Variants in SLC25A18 observed in about 807,000 individuals in gnomAD.
SLC25A18 encodes the protein mitochondrial glutamate carrier 2.
Under a neutral mutation model 31.1 loss-of-function variants are expected in SLC25A18, and 24 were observed. That is an observed-to-expected ratio of 0.77 (90% CI 0.56 to 1.08). The LOEUF is 1.08. Ranked by LOEUF, SLC25A18 falls within the 50% of genes least tolerant of loss-of-function variation. The probability of loss-of-function intolerance (pLI) is 0.00; values close to 1 mark genes in which losing one functional copy is unlikely to be tolerated. For synonymous variants in SLC25A18, 173 were observed against 161.9 expected, an observed-to-expected ratio of 1.07 and a Z score of -0.52; for missense variants, 371 against 418.5, an observed-to-expected ratio of 0.89 and a Z score of 0.99.
intron 2 of SLC25A18, 110 bp from the exon 3 acceptor site, chr22:17,579,635 C>A (rs2057320349): frequency 1.1e-6 from 1 of 875,824 alleles, no homozygotes; most frequent in Non-Finnish European, 1.5e-6. Context: ...ATCCCAAAGT[C>A]CAAAAGGTTT....
chr22:17,580,952 G>T, intron 3 of SLC25A18, 85 bp from the exon 4 acceptor site: 1 of 1,477,770 alleles, frequency 6.8e-7, no homozygotes, highest in Non-Finnish European at 9.0e-7. Flanking sequence ...CACTGTCTGT[G>T]CCCCTGCCCA....
At chr22:17,576,662 G>T (rs2057236699) in intron 2 of SLC25A18, among the ~76,000 whole-genome samples, 1 of 152,136 alleles carries the variant, frequency 6.6e-6, no homozygotes, top group South Asian at 2.1e-4. Context: ...TGCATTTACT[G>T]CTGCCAGGAA....
intron 1 of SLC25A18, among the ~76,000 whole-genome samples, chr22:17,568,217 G>A (rs1601256620): frequency 6.6e-6 from 1 of 151,592 alleles, no homozygotes; most frequent in African/African-American, 2.4e-5. Context: ...ATACAAAAAA[G>A]TTAGCCGGGT....
In SLC25A18 at chr22:17,574,719, A is replaced by C. The variant is rs145755153; in HGVS notation, c.-201+4733A>C. ...GTGTTTTTAGTAGAGACGGAGTTTCACTATGTTGGCCAGGCTGGTCTCGAA... is the reference window on the plus strand; with the variant it reads ...GTGTTTTTAGTAGAGACGGAGTTTCCCTATGTTGGCCAGGCTGGTCTCGAA... On this transcript the variant is annotated intron_variant, in intron 2 of 10. Transcript: ENST00000327451. 3.0e-3 allele frequency among the ~76,000 whole-genome samples: 452 copies of C among 150,342 alleles called. 21 individuals carry two copies. The highest frequency in any genetic ancestry group is 0.017 in the Middle Eastern group (5 of 292).
chr22:17,563,794 A>C, intron 1 of SLC25A18, 81 bp downstream of exon 1: 1 of 820,036 alleles, frequency 1.2e-6, no homozygotes, highest in Non-Finnish European at 1.5e-6. Flanking sequence ...AAATAGCCTC[A>C]TCTGCTCAGA....
At chr22:17,569,078 A>C (rs1484966449) in intron 1 of SLC25A18, among the ~76,000 whole-genome samples, 1 of 147,846 alleles carries the variant, frequency 6.8e-6, no homozygotes, top group Non-Finnish European at 1.5e-5. Context: ...GCGCGATCCC[A>C]GGTCACTGCA....
At position 17,579,002 on chromosome 22, in the gene SLC25A18, T is replaced by C. The variant is rs919823538; in HGVS notation, c.-200-743T>C. Among the ~76,000 whole-genome samples the C allele has an allele frequency of 3.3e-5, 5 of 152,344 alleles. No individual in the cohort carries two copies. The South Asian group carries it at 1.0e-3, about 32-fold the overall frequency. On this transcript the variant is annotated intron_variant, in intron 2 of 10. Transcript: ENST00000327451. Reference sequence around the variant, plus strand: ...AGTTTGGTTTCTCAACAAGATCACATGAATTTCAGAAAACACAGTTTAATA... The same window carrying C: ...AGTTTGGTTTCTCAACAAGATCACACGAATTTCAGAAAACACAGTTTAATA...
rs1194407737 is a variant in SLC25A18, at chr22:17,580,855, C to T, written c.21-182C>T. On this transcript the variant is annotated intron_variant, in intron 3 of 10. Transcript: ENST00000327451. ...CCGGGTTGCAGCAAGATGCCTCACCCGGGTGAGTGCGGCTGTCCTGTCTGG... is the reference window on the plus strand; with the variant it reads ...CCGGGTTGCAGCAAGATGCCTCACCTGGGTGAGTGCGGCTGTCCTGTCTGG... 1.5e-5 allele frequency: 20 copies of T among 1,332,576 alleles called. No individual in the cohort carries two copies. The East Asian group carries it at 1.8e-4, about 12-fold the overall frequency. 82.5% of individuals were successfully genotyped at this position (1,332,576 alleles called of 1,614,324 possible). A position where few individuals can be genotyped will look rare whatever the true frequency, so the allele number is the denominator to read the frequency against.
intron 1 of SLC25A18, 115 bp downstream of exon 1, chr22:17,563,828 A>G (rs1460594244): frequency 3.8e-6 from 2 of 520,918 alleles, no homozygotes; most frequent in Non-Finnish European, 4.9e-6. Flanking sequence ...CTGTATTGTG[A>G]ATACAGAATA....
chr22:17,568,366 CAA>C (rs778315853), intron 1 of SLC25A18, among the ~76,000 whole-genome samples: 6 of 67,626 alleles, frequency 8.9e-5, no homozygotes, highest in Admixed American at 1.8e-4. Flanking sequence ...GACTCCATCT[CAA>C]AAAAAAAAAA....
Position 17,583,457 on chromosome 22 carries a change from G to A in SLC25A18, c.332G>A (p.Gly111Glu). ...NLKMEMLAGC[G>E]AGMCQVVVTC... ...AAGATGGAGATGCTTGCCGGGTGTG[G>A]GGCTGGGATGTGCCAGGTCGTGGTG... The change falls in exon 7 of 11, where the codon GGG becomes GAG. Residue 111 changes from glycine (G) to glutamate (E), a missense_variant. By Grantham distance (98) the Gly-to-Glu change is moderately conservative. Transcript: ENST00000327451. 1 of 1,614,108 alleles carries A rather than the reference G, an allele frequency of 6.2e-7. No homozygotes were observed. The highest frequency in any genetic ancestry group is 8.5e-7 in the Non-Finnish European group (1 of 1,180,012).
intron 7 of SLC25A18, among the ~76,000 whole-genome samples, chr22:17,584,731 G>C (rs1015667247): frequency 4.3e-5 from 5 of 117,152 alleles, no homozygotes; most frequent in African/African-American, 1.7e-4. Flanking sequence ...AGTGAGCTGA[G>C]ATCACGCCAT....
At chr22:17,587,637 G>A (rs1044238062) in intron 8 of SLC25A18, among the ~76,000 whole-genome samples, 12 of 152,224 alleles carry the variant, frequency 7.9e-5, no homozygotes, top group African/African-American at 2.7e-4. Context: ...CCCTTAGCCT[G>A]CCTGCCCCTG....
intron 6 of SLC25A18, 56 bp from the exon 7 acceptor site, chr22:17,583,360 G>A: frequency 1.2e-6 from 2 of 1,604,780 alleles, no homozygotes; most frequent in Middle Eastern, 1.8e-4. Flanking sequence ...GAGGGCAGCT[G>A]CACCAGGGCA....
intron 1 of SLC25A18, among the ~76,000 whole-genome samples, chr22:17,566,149 C>T (rs1049190421): frequency 3.3e-5 from 5 of 152,164 alleles, no homozygotes; most frequent in African/African-American, 4.8e-5. Flanking sequence ...GGCACTGCAC[C>T]GCTGTTTCTG....
chr22:17,586,220 T>C (rs1166756507), intron 7 of SLC25A18, among the ~76,000 whole-genome samples: 1 of 152,182 alleles, frequency 6.6e-6, no homozygotes, highest in Non-Finnish European at 1.5e-5. Context: ...TTTTTGTGTC[T>C]AGAAATCACC....
chr22:17,590,501 T>A lies in SLC25A18; in HGVS notation c.*265T>A, dbSNP rs998185383. 3 of 376,356 alleles carry A rather than the reference T, an allele frequency of 8.0e-6. No homozygotes were observed. Among genetic ancestry groups the A allele is most frequent in the Admixed American group, 4.0e-5 (1 of 24,984 alleles). 23.3% of individuals were successfully genotyped at this position (376,356 alleles called of 1,614,324 possible). ...CTAACCACCTACTTTTCAACAAAAA[T>A]GGTACTTTCGTTGTATTAATTGCAG... On this transcript the variant is annotated 3_prime_UTR_variant, in exon 11 of 11. Coordinates refer to ENST00000327451, the MANE Select transcript of SLC25A18 (RefSeq NM_031481.3).
chr22:17,564,695 A>G (rs1354450942), intron 1 of SLC25A18, among the ~76,000 whole-genome samples: 2 of 151,982 alleles, frequency 1.3e-5, no homozygotes. Context: ...CATCTATACT[A>G]AAAATACAAA....
intron 1 of SLC25A18, among the ~76,000 whole-genome samples, chr22:17,565,238 A>T (rs1013907702): frequency 3.3e-5 from 5 of 151,576 alleles, no homozygotes; most frequent in Non-Finnish European, 7.4e-5. Context: ...CTGCCACTAT[A>T]CCCAGCTAAT....
Sources: allele counts gnomAD v4.1 joint callset (sites outside exome capture counted in the v4.1 genomes callset), GRCh38; gene constraint gnomAD v4.1.1; transcripts MANE v1.5; gene names NCBI Gene and HGNC (gene_info 2026-07-23, HGNC 2026-07-21).